Variants in DNM1 observed in about 807,000 individuals in gnomAD.
The protein encoded by DNM1 is dynamin-1.
DNM1 carries 29 observed loss-of-function variants against 104.6 expected under a neutral mutation model. The observed-to-expected ratio is 0.28, with a 90% CI of 0.21 to 0.38. The LOEUF (loss-of-function observed/expected upper bound fraction) is 0.38. DNM1 is among the 10% of genes least tolerant of loss of function. DNM1 has a pLI of 1.00. For missense variants in DNM1, 640 were observed against 1,189.4 expected (o/e 0.54, Z 6.79); for synonymous variants, 445 against 475.8 (o/e 0.94, Z 0.84).
At position 128,253,833 on chromosome 9, in the gene DNM1, G is replaced by A. The variant is rs1341175312; in HGVS notation, c.2535-821G>A. 4 of 1,004,630 alleles carry A rather than the reference G, an allele frequency of 4.0e-6. No homozygotes were observed. The highest frequency in any genetic ancestry group is 1.0e-4 in the South Asian group (2 of 19,074). The allele number at this position is 1,004,630 out of a possible 1,614,324, so 62.2% of individuals were successfully genotyped here. On this transcript the variant is annotated intron_variant, in intron 21 of 21. Transcript: ENST00000372923. This position sits in a 1 kb window ranked among gnomAD's most constrained non-coding sequence, Gnocchi z 5.9. Reference sequence around the variant, plus strand: ...ACTGAAGGCAGTGTCCCTGGCCCCAGCTGAAGCACCGTAGCCAGCCAGCGG... The same window carrying A: ...ACTGAAGGCAGTGTCCCTGGCCCCAACTGAAGCACCGTAGCCAGCCAGCGG...
rs753899775 is a variant in DNM1 at position 128,247,978 on chromosome 9, C to T, written c.1905+43C>T. On this transcript the variant is annotated intron_variant, in intron 18 of 21. Coordinates refer to ENST00000372923, the MANE Select transcript of DNM1 (RefSeq NM_004408.4). This position sits in a 1 kb window ranked among gnomAD's most constrained non-coding sequence, Gnocchi z 5.1. ...TTGCCTCCTGCCAGGCATCTGCAGCCTGGCACCAGCTCCAGCCAGGTTTTC... is the reference window on the plus strand; with the variant it reads ...TTGCCTCCTGCCAGGCATCTGCAGCTTGGCACCAGCTCCAGCCAGGTTTTC... The T allele has an allele frequency of 1.2e-6, 2 of 1,613,668 alleles. No individual in the cohort carries two copies. The highest frequency in any genetic ancestry group is 2.2e-5 in the East Asian group (1 of 44,868).
At position 128,247,803 on chromosome 9, in the gene DNM1, T is replaced by G; in HGVS notation, c.1894-121T>G. The G allele has an allele frequency of 2.3e-6, 3 of 1,329,776 alleles. No homozygotes were observed. The highest frequency in any genetic ancestry group is 3.1e-6 in the Non-Finnish European group (3 of 956,896). The allele number at this position is 1,329,776 out of a possible 1,614,324, so 82.4% of individuals were successfully genotyped here. On this transcript the variant is annotated intron_variant, in intron 17 of 21. Coordinates refer to ENST00000372923, the MANE Select transcript of DNM1 (RefSeq NM_004408.4). The surrounding 1 kb of genome is among the most constrained non-coding windows in gnomAD (Gnocchi z 5.1). The stretch of plus-strand genomic sequence containing the variant: ...CACTGTGGCGATGTCTAGAGTAGCC[T>G]GAGAGTTGGGGTGCAGTATCCCAGG...
Position 128,250,836 on chromosome 9 carries a change from G to C in DNM1, c.2430G>C (p.Gly810=), listed in dbSNP as rs1007155416. The change falls in exon 21 of 22, where the codon GGG becomes GGC. Residue 810 remains glycine, a synonymous_variant. Transcript: ENST00000372923. ...PGPPPAGSAL[G]GAPPVPSRPG... ...CTCCGCCTGCTGGGTCCGCCCTGGG[G>C]GGGGCGCCCCCCGTGCCCTCCAGGC... 3 of 1,309,058 alleles carry C rather than the reference G, an allele frequency of 2.3e-6. No homozygotes were observed. The highest frequency in any genetic ancestry group is 3.1e-5 in the African/African-American group (2 of 64,668). 81.1% of individuals were successfully genotyped at this position (1,309,058 alleles called of 1,614,324 possible).
chr9:128,219,681 G>A (rs995429267), intron 4 of DNM1, among the ~76,000 whole-genome samples: 3 of 151,180 alleles, frequency 2.0e-5, no homozygotes, highest in African/African-American at 7.3e-5. Flanking sequence ...AAGAAAAAAA[G>A]GCTGGGTGCA....
intron 1 of DNM1, among the ~76,000 whole-genome samples, chr9:128,211,831 G>A (rs1834320982): frequency 6.6e-6 from 1 of 152,184 alleles, no homozygotes; most frequent in South Asian, 2.1e-4. Flanking sequence ...CTCCCAGATG[G>A]GAAGCTGTAG....
chr9:128,246,041 C>T (rs565515145), intron 15 of DNM1, among the ~76,000 whole-genome samples: 1 of 152,312 alleles, frequency 6.6e-6, no homozygotes, highest in East Asian at 1.9e-4. Context: ...AAGTCAGAGG[C>T]GGCCAGGCCG....
At position 128,203,937 on chromosome 9, in the gene DNM1, C is replaced by G. The variant is rs953178364; in HGVS notation, c.161+306C>G. ...AAGCCCCGGGCAAAGAGCTGCCCCC[C>G]GCCCCCAACATGGGCATGGAGAGAG... On this transcript the variant is annotated intron_variant, in intron 1 of 21. Coordinates refer to ENST00000372923, the MANE Select transcript of DNM1 (RefSeq NM_004408.4). The surrounding 1 kb of genome is among the most constrained non-coding windows in gnomAD (Gnocchi z 5.3). 11 of 191,632 alleles carry G rather than the reference C, an allele frequency of 5.7e-5. No individual in the cohort carries two copies. Among genetic ancestry groups the G allele is most frequent in the Admixed American group, 1.2e-4 (2 of 16,204 alleles). 11.9% of individuals were successfully genotyped at this position (191,632 alleles called of 1,614,324 possible). A position where few individuals can be genotyped will look rare whatever the true frequency, so the allele number is the denominator to read the frequency against.
At chr9:128,239,538 A>G (rs768272684) in intron 12 of DNM1, 23 bp downstream of exon 12, 5 of 1,603,018 alleles carry the variant, frequency 3.1e-6, no homozygotes, top group Non-Finnish European at 4.3e-6. Flanking sequence ...CCAGGCAAAA[A>G]GTGAGTGCTC....
In DNM1 at chr9:128,247,479, G is replaced by A. The variant is rs778378392; in HGVS notation, c.1886G>A (p.Arg629His). The A allele has an allele frequency of 6.8e-6, 11 of 1,607,428 alleles. 1 individual carries two copies. Among genetic ancestry groups the A allele is most frequent in the African/African-American group, 4.0e-5 (3 of 74,830 alleles). ...SFLRAGVYPE[R>H]VGDKEKASET... is the part of the protein sequence containing the mutation. Reference sequence around the variant, plus strand: ...CTGAGGGCTGGCGTGTACCCTGAGCGTGTTGGGGTGAGTGGCAGGGCAAGG... The same window carrying A: ...CTGAGGGCTGGCGTGTACCCTGAGCATGTTGGGGTGAGTGGCAGGGCAAGG... Residue 629 changes from arginine to histidine, a missense_variant, in exon 17 of 22, where the codon CGT becomes CAT. By Grantham distance (29) the Arg-to-His change is conservative. Around this residue, in one of 7 missense-constraint regions of DNM1, gnomAD observed 91 missense variants for 256.3 expected, o/e 0.36. Coordinates refer to ENST00000372923, the MANE Select transcript of DNM1 (RefSeq NM_004408.4). This position sits in a 1 kb window ranked among gnomAD's most constrained non-coding sequence, Gnocchi z 5.1.
Position 128,248,138 on chromosome 9 carries a change from C to T in DNM1, c.1905+203C>T. The T allele has an allele frequency of 3.1e-6, 2 of 655,558 alleles. No homozygotes were observed. Among genetic ancestry groups the T allele is most frequent in the Middle Eastern group, 8.2e-4 (2 of 2,450 alleles). 40.6% of individuals were successfully genotyped at this position (655,558 alleles called of 1,614,324 possible). A position where few individuals can be genotyped will look rare whatever the true frequency, so the allele number is the denominator to read the frequency against. Reference sequence around the variant, plus strand: ...GGTCAGGAGTTCGAGACCAGCCTGGCCAACACGGTGAAACCCCACCTCTAC... The same window carrying T: ...GGTCAGGAGTTCGAGACCAGCCTGGTCAACACGGTGAAACCCCACCTCTAC... On this transcript the variant is annotated intron_variant, in intron 18 of 21. Transcript: ENST00000372923. This position sits in a 1 kb window ranked among gnomAD's most constrained non-coding sequence, Gnocchi z 5.6.
chr9:128,224,790 C>A lies in DNM1; in HGVS notation c.1335+401C>A, dbSNP rs1835244795. Among the ~76,000 whole-genome samples, 1 of 152,158 alleles carries A rather than the reference C, an allele frequency of 6.6e-6. No individual in the cohort carries two copies. The highest frequency in any genetic ancestry group is 2.4e-5 in the African/African-American group (1 of 41,436). ...GGAGACAGGTGAAATGCAGGGCCTT[C>A]TCGGGCACTGCTCGGTGGGCCTGGG... is the stretch of plus-strand genomic sequence containing the variant. On this transcript the variant is annotated intron_variant, in intron 10 of 21. Transcript: ENST00000372923. The surrounding 1 kb of genome is among the most constrained non-coding windows in gnomAD (Gnocchi z 4.3).
intron 15 of DNM1, 63 bp downstream of exon 15, chr9:128,242,408 T>C (rs1836425086): frequency 3.2e-6 from 3 of 930,940 alleles, no homozygotes; most frequent in Non-Finnish European, 5.3e-6. Flanking sequence ...GCTCAGACCC[T>C]CCCATGGGCT....
In DNM1 at chr9:128,239,428, C is replaced by T. The variant is rs1329691882; in HGVS notation, c.1423-17C>T. ...GGTGTCTTTTGCGCTTGCCCACCAA[C>T]CTATGTATCCTTGAAGGTCATGCTT... On this transcript the variant is annotated splice_polypyrimidine_tract_variant and intron_variant, in intron 11 of 21. Transcript: ENST00000372923. 8 of 1,611,800 alleles carry T rather than the reference C, an allele frequency of 5.0e-6. No individual in the cohort carries two copies. The highest frequency in any genetic ancestry group is 1.7e-5 in the Admixed American group (1 of 59,930).
chr9:128,215,945 G>T (rs1292747241), intron 1 of DNM1, among the ~76,000 whole-genome samples: 2 of 152,020 alleles, frequency 1.3e-5, no homozygotes, highest in African/African-American at 4.8e-5. Context: ...AGCCCTGGGG[G>T]ACTCCCAAAA....
chr9:128,210,351 T>TATC (rs1834213736), intron 1 of DNM1, among the ~76,000 whole-genome samples: 1 of 146,520 alleles, frequency 6.8e-6, no homozygotes, highest in Non-Finnish European at 1.5e-5. Flanking sequence ...TATTTGGCAT[T>TATC]ATTATTATTA....
At chr9:128,251,329 G>A (rs892403565) in intron 21 of DNM1, 3 of 379,222 alleles carry the variant, frequency 7.9e-6, no homozygotes, top group East Asian at 1.7e-4. Context: ...CCCCTGGGGA[G>A]CCTACCTTAG....
intron 21 of DNM1, chr9:128,251,963 T>C (rs1390951441): frequency 6.2e-6 from 1 of 160,268 alleles, no homozygotes; most frequent in Non-Finnish European, 1.4e-5. Flanking sequence ...GATTGGGGCT[T>C]GCCCTATGAT....
Position 128,222,988 on chromosome 9 carries a change from C to A in DNM1, c.1196+128C>A. On this transcript the variant is annotated intron_variant, in intron 9 of 21. Transcript: ENST00000372923. The surrounding 1 kb of genome is among the most constrained non-coding windows in gnomAD (Gnocchi z 7.8). The stretch of plus-strand genomic sequence containing the variant: ...AGCTCTGTTCCCCAGTCCTCTCGAC[C>A]CCAACTTTCTGGCTCCCTGCATGAC... The A allele has an allele frequency of 1.1e-6, 1 of 934,980 alleles. No individual in the cohort carries two copies. The highest frequency in any genetic ancestry group is 1.6e-6 in the Non-Finnish European group (1 of 614,082). The allele number at this position is 934,980 out of a possible 1,614,324, so 57.9% of individuals were successfully genotyped here.
chr9:128,204,992 G>T (rs1191152173), intron 1 of DNM1: 6 of 152,378 alleles, frequency 3.9e-5, no homozygotes, highest in African/African-American at 7.2e-5. Flanking sequence ...GCCAGCCCTA[G>T]AGGTGAGAGG....
Sources: gnomAD v4.1 joint callset for allele counts (sites outside exome capture counted in the v4.1 genomes callset) on GRCh38, gnomAD v4.1.1 for gene constraint, gnomAD v4.1.1 regional missense constraint, Gnocchi (gnomAD v3.1) non-coding constraint, MANE v1.5 for transcripts, NCBI Gene and HGNC (gene_info 2026-07-23, HGNC 2026-07-21) for gene names.